The following CRTAC1 variants were observed in gnomAD, a reference collection of about 807,000 sequenced individuals.
CRTAC1 encodes cartilage acidic protein 1.
A neutral mutation model predicts 67.8 loss-of-function variants in CRTAC1; 37 were observed. That is an observed-to-expected ratio of 0.55 (90% CI 0.42 to 0.72). CRTAC1 has a LOEUF of 0.72. Ranked by LOEUF, CRTAC1 falls within the 30% of genes least tolerant of loss-of-function variation. The probability of loss-of-function intolerance (pLI) is 0.00; values close to 1 mark genes in which losing one functional copy is unlikely to be tolerated. For synonymous variants in CRTAC1, 348 were observed against 371.0 expected (o/e 0.94, Z 0.71); for missense variants, 780 against 931.6 (o/e 0.84, Z 2.12).
chr10:97,876,421 C>T (rs776653376), intron 14 of CRTAC1, among the ~76,000 whole-genome samples: 1 of 152,128 alleles, frequency 6.6e-6, no homozygotes, highest in African/African-American at 2.4e-5. Context: ...GGGGTATGTG[C>T]CTGTGAAGAG....
At chr10:97,874,432 G>A (rs1428530526) in intron 14 of CRTAC1, among the ~76,000 whole-genome samples, 1 of 152,174 alleles carries the variant, frequency 6.6e-6, no homozygotes, top group Admixed American at 6.5e-5. Context: ...GCAGAACATA[G>A]CACAGCCCAG....
At chr10:97,958,889 C>T (rs759089718) in intron 2 of CRTAC1, among the ~76,000 whole-genome samples, 1 of 152,208 alleles carries the variant, frequency 6.6e-6, no homozygotes, top group Non-Finnish European at 1.5e-5. Context: ...CCACTCTCTA[C>T]CCCTTCCCTG....
At chr10:97,988,577 G>A (rs569900681) in intron 2 of CRTAC1, among the ~76,000 whole-genome samples, 10 of 152,184 alleles carry the variant, frequency 6.6e-5, no homozygotes, top group South Asian at 2.1e-4. Context: ...AAAATTAGCC[G>A]GGTGTGGCAG....
chr10:97,985,371 TTA>T (rs1484664218), intron 2 of CRTAC1, among the ~76,000 whole-genome samples: 2 of 152,232 alleles, frequency 1.3e-5, no homozygotes, highest in Non-Finnish European at 2.9e-5. Context: ...TCTTTCTTCT[TTA>T]TCTCATAGCT....
chr10:98,030,478 CG>C lies in CRTAC1; in HGVS notation c.-7del. ...GGGTCAGCGCTCGGAGCCATCCTCC[CG>C]CTCTCGGCCCCGCCGCCTAGGGGCG... On this transcript the variant is annotated 5_prime_UTR_variant, in exon 1 of 15. Coordinates refer to ENST00000370597, the MANE Select transcript of CRTAC1 (RefSeq NM_018058.7). The surrounding 1 kb of genome is among the most constrained non-coding windows in gnomAD (Gnocchi z 4.2). 1 of 1,247,444 alleles carries C rather than the reference CG, an allele frequency of 8.0e-7. No homozygotes were observed. The allele number at this position is 1,247,444 out of a possible 1,614,324, so 77.3% of individuals were successfully genotyped here.
intron 2 of CRTAC1, among the ~76,000 whole-genome samples, chr10:97,941,946 C>G: frequency 6.6e-6 from 1 of 152,182 alleles, no homozygotes; most frequent in East Asian, 1.9e-4. Context: ...CCTCCTTCTG[C>G]CACAGGGTCT....
intron 11 of CRTAC1, among the ~76,000 whole-genome samples, chr10:97,885,514 A>G (rs1403009614): frequency 1.3e-5 from 2 of 152,266 alleles, no homozygotes; most frequent in African/African-American, 2.4e-5. Context: ...AACGTGCCAC[A>G]TCATTGGTGG....
At chr10:97,990,850 C>T (rs1842434744) in intron 2 of CRTAC1, among the ~76,000 whole-genome samples, 1 of 152,104 alleles carries the variant, frequency 6.6e-6, no homozygotes, top group Admixed American at 6.5e-5. Context: ...TCATAGGAAA[C>T]TAAGTAAAAT....
chr10:97,941,092 G>C (rs2051168020), intron 2 of CRTAC1, among the ~76,000 whole-genome samples: 1 of 148,826 alleles, frequency 6.7e-6, no homozygotes, highest in Admixed American at 6.7e-5. Context: ...AGCTTTTCCT[G>C]CTACCATCAT....
At chr10:97,949,606 GCA>G (rs1564908296) in intron 2 of CRTAC1, among the ~76,000 whole-genome samples, 1 of 152,238 alleles carries the variant, frequency 6.6e-6, no homozygotes, top group South Asian at 2.1e-4. Flanking sequence ...TGTGGGGGTA[GCA>G]CAGAGTGGCG....
rs1201998925 is a variant in CRTAC1 at position 97,876,180 on chromosome 10, T to TA, written c.1819+4068dup. The stretch of plus-strand genomic sequence containing the variant: ...CCATCCCAAATGAAGAAGGGAGTGG[T>TA]AGTTGAGAGTGCCAGCTGACAGCCA... On this transcript the variant is annotated intron_variant, in intron 14 of 14. Coordinates refer to ENST00000370597, the MANE Select transcript of CRTAC1 (RefSeq NM_018058.7). 2.0e-5 allele frequency among the ~76,000 whole-genome samples: 3 copies of TA among 152,214 alleles called. No homozygotes were observed. In the South Asian group the frequency reaches 6.2e-4, roughly 32 times the overall value.
intron 2 of CRTAC1, among the ~76,000 whole-genome samples, chr10:97,982,239 C>A (rs1476334111): frequency 6.6e-6 from 1 of 152,212 alleles, no homozygotes; most frequent in African/African-American, 2.4e-5. Context: ...GAGTTATTTT[C>A]TCTATGATGC....
At chr10:97,887,227 G>GTTTTTT (rs71007369) in intron 11 of CRTAC1, among the ~76,000 whole-genome samples, 2,265 of 127,812 alleles carry the variant, frequency 0.018, 73 homozygotes, top group African/African-American at 0.066. Context: ...CGGCACTTAG[G>GTTTTTT]TTTTTTTTTT....
At chr10:97,991,340 G>T (rs1842451773) in intron 2 of CRTAC1, among the ~76,000 whole-genome samples, 1 of 151,740 alleles carries the variant, frequency 6.6e-6, no homozygotes, top group Non-Finnish European at 1.5e-5. Flanking sequence ...TTAAACCCAG[G>T]AGTCGGAGGT....
At chr10:97,936,002 G>C (rs2051080172) in intron 3 of CRTAC1, among the ~76,000 whole-genome samples, 168 bp downstream of exon 3, 1 of 152,160 alleles carries the variant, frequency 6.6e-6, no homozygotes, top group African/African-American at 2.4e-5. Context: ...CGCAAGAGAA[G>C]AATAAGTCAT....
chr10:97,937,822 C>G (rs1453534040), intron 2 of CRTAC1, among the ~76,000 whole-genome samples: 1 of 152,170 alleles, frequency 6.6e-6, no homozygotes, highest in Non-Finnish European at 1.5e-5. Flanking sequence ...GGAACAGACC[C>G]CATCCACAGG....
intron 4 of CRTAC1, among the ~76,000 whole-genome samples, chr10:97,922,381 G>T (rs1262197157): frequency 6.6e-6 from 1 of 152,190 alleles, no homozygotes; most frequent in Non-Finnish European, 1.5e-5. Context: ...CAATCCCCTC[G>T]GTGCCATCTC....
intron 2 of CRTAC1, among the ~76,000 whole-genome samples, chr10:98,009,791 C>T (rs555741328): frequency 6.6e-5 from 10 of 152,254 alleles, no homozygotes; most frequent in East Asian, 1.9e-4. Flanking sequence ...GAAGTGATAA[C>T]GAAACTTTGT....
At chr10:97,952,538 CAA>C (rs397844653) in intron 2 of CRTAC1, among the ~76,000 whole-genome samples, 18,342 of 63,894 alleles carry the variant, frequency 0.29, 706 homozygotes, top group Non-Finnish European at 0.31. Context: ...AATTCCATCT[CAA>C]AAAAAAAAAA....
Sources: allele counts gnomAD v4.1 joint callset (sites outside exome capture counted in the v4.1 genomes callset), GRCh38; gene constraint gnomAD v4.1.1; non-coding constraint Gnocchi (gnomAD v3.1); transcripts MANE v1.5; gene names NCBI Gene and HGNC (gene_info 2026-07-23, HGNC 2026-07-21).